Variants in ARHGAP32 observed in about 807,000 individuals in gnomAD.
ARHGAP32 encodes the protein Rho GTPase activating protein 32.
A neutral mutation model predicts 186.5 loss-of-function variants in ARHGAP32; 51 were observed. The observed-to-expected ratio is 0.27, with a 90% CI of 0.22 to 0.35. The LOEUF (loss-of-function observed/expected upper bound fraction) is 0.35. Among genes scored for constraint, ARHGAP32 ranks in the 10% least tolerant of loss-of-function variants. The pLI is 1.00. For missense variants in ARHGAP32, 2,186 were observed against 2,623.5 expected, an observed-to-expected ratio of 0.83 and a Z score of 3.64; for synonymous variants, 950 against 964.3, an observed-to-expected ratio of 0.99 and a Z score of 0.27.
intron 11 of ARHGAP32, among the ~76,000 whole-genome samples, chr11:128,999,596 C>T (rs769412725): frequency 5.3e-5 from 8 of 152,296 alleles, no homozygotes; most frequent in Admixed American, 1.3e-4. Flanking sequence ...GGGAGCATCA[C>T]GGAACCTGCC....
intron 10 of ARHGAP32, among the ~76,000 whole-genome samples, chr11:129,043,786 C>T (rs1354621635): frequency 6.6e-6 from 1 of 152,136 alleles, no homozygotes; most frequent in Non-Finnish European, 1.5e-5. Flanking sequence ...ATCAGTTGCT[C>T]TTTGGCTGTT....
intron 11 of ARHGAP32, among the ~76,000 whole-genome samples, chr11:129,010,771 T>A (rs1191163940): frequency 6.6e-6 from 1 of 152,214 alleles, no homozygotes; most frequent in Non-Finnish European, 1.5e-5. Context: ...CCATTCTAGC[T>A]TTTGTCTGAT....
intron 17 of ARHGAP32, among the ~76,000 whole-genome samples, chr11:128,981,156 T>C (rs1945695563): frequency 6.6e-6 from 1 of 152,242 alleles, no homozygotes; most frequent in Non-Finnish European, 1.5e-5. Context: ...TGTTCCACTT[T>C]ATACTTTAAT....
At chr11:129,213,148 T>C (rs534023728) in intron 1 of ARHGAP32, among the ~76,000 whole-genome samples, 1 of 152,318 alleles carries the variant, frequency 6.6e-6, no homozygotes, top group East Asian at 1.9e-4. Context: ...TACTTTTGTA[T>C]TCACTTCGTA....
intron 5 of ARHGAP32, among the ~76,000 whole-genome samples, chr11:129,116,970 T>A (rs1942384598): frequency 6.6e-6 from 1 of 152,060 alleles, no homozygotes; most frequent in African/African-American, 2.4e-5. Flanking sequence ...GTTTCTATTT[T>A]ACAAATGAGG....
intron 10 of ARHGAP32, 106 bp from the exon 11 acceptor site, chr11:129,041,115 A>G: frequency 1.6e-6 from 1 of 643,990 alleles, no homozygotes. Context: ...CTCCCAAATG[A>G]TTCTATTATT....
chr11:128,991,562 A>C lies in ARHGAP32; in HGVS notation c.1196-3437T>G, dbSNP rs932122292. 2.0e-5 allele frequency among the ~76,000 whole-genome samples: 3 copies of C among 152,144 alleles called. No individual in the cohort carries two copies. The East Asian group carries it at 5.8e-4, about 29-fold the overall frequency. On this transcript the variant is annotated intron_variant, in intron 12 of 22. Transcript: ENST00000682385. ...AAAATCCTAGTTTTAAAAAAAGGCT[A>C]TTTACTAGCTACCCCCAAACCATCT... is the stretch of plus-strand genomic sequence containing the variant.
intron 5 of ARHGAP32, among the ~76,000 whole-genome samples, chr11:129,099,757 G>T (rs1214670430): frequency 6.6e-6 from 1 of 152,108 alleles, no homozygotes; most frequent in Admixed American, 6.5e-5. Context: ...TAAGCAGTGG[G>T]GGAGAACAAG....
intron 1 of ARHGAP32, among the ~76,000 whole-genome samples, chr11:129,266,606 A>G (rs1945403923): frequency 6.6e-6 from 1 of 152,194 alleles, no homozygotes; most frequent in Admixed American, 6.5e-5. Flanking sequence ...GAGGCACCAT[A>G]AGAGAGATTG....
chr11:129,176,739 G>A (rs1276229209), intron 1 of ARHGAP32, among the ~76,000 whole-genome samples: 20 of 149,632 alleles, frequency 1.3e-4, no homozygotes, highest in East Asian at 3.9e-4. Context: ...TGAAACCAAC[G>A]AGAACAAAGA....
intron 1 of ARHGAP32, among the ~76,000 whole-genome samples, chr11:129,167,864 C>G (rs1221934040): frequency 6.6e-6 from 1 of 152,120 alleles, no homozygotes; most frequent in Non-Finnish European, 1.5e-5. Context: ...AAAAGTGAAT[C>G]ACATGGCATG....
intron 11 of ARHGAP32, among the ~76,000 whole-genome samples, chr11:129,039,511 C>G (rs1210049780): frequency 1.3e-5 from 2 of 152,000 alleles, no homozygotes; most frequent in African/African-American, 4.8e-5. Flanking sequence ...TACAAAATGT[C>G]CAGAATAGGG....
At position 129,124,899 on chromosome 11, in the gene ARHGAP32, A is replaced by C. The variant is rs1456181866; in HGVS notation, c.226-5T>G. On this transcript the variant is annotated splice_polypyrimidine_tract_variant and splice_region_variant and intron_variant, in intron 2 of 22. Transcript: ENST00000682385. ...TGGAACATCTGCGCCTCTTGCCTTA[A>C]AAAATAAAGACAAAATATTTATGGC... 5 of 1,599,096 alleles carry C rather than the reference A, an allele frequency of 3.1e-6. No homozygotes were observed. Among genetic ancestry groups the C allele is most frequent in the Admixed American group, 1.7e-5 (1 of 57,256 alleles).
chr11:129,245,842 G>A (rs941106446), intron 1 of ARHGAP32, among the ~76,000 whole-genome samples: 3 of 152,026 alleles, frequency 2.0e-5, no homozygotes, highest in African/African-American at 7.2e-5. Flanking sequence ...TACGACCAGT[G>A]TTTAGGGGTG....
chr11:129,212,551 T>TAA (rs1182948500), intron 1 of ARHGAP32, among the ~76,000 whole-genome samples: 1 of 152,218 alleles, frequency 6.6e-6, no homozygotes. Flanking sequence ...CTATACTGCT[T>TAA]AATTTACCTC....
intron 6 of ARHGAP32, among the ~76,000 whole-genome samples, chr11:129,091,107 C>G (rs1941566465): frequency 6.6e-6 from 1 of 151,978 alleles, no homozygotes; most frequent in South Asian, 2.1e-4. Flanking sequence ...GTGGGCTCAC[C>G]ACAGCATCAC....
At chr11:129,267,049 G>C (rs1945411080) in intron 1 of ARHGAP32, among the ~76,000 whole-genome samples, 1 of 152,214 alleles carries the variant, frequency 6.6e-6, no homozygotes, top group African/African-American at 2.4e-5. Context: ...GCCTGGGGAA[G>C]AGAAGAAGAC....
chr11:129,181,425 T>G (rs1944051730), intron 1 of ARHGAP32, among the ~76,000 whole-genome samples: 1 of 152,166 alleles, frequency 6.6e-6, no homozygotes, highest in Non-Finnish European at 1.5e-5. Flanking sequence ...CCACGGCTGA[T>G]GATATAAATC....
chr11:129,105,253 T>C (rs59827690), intron 5 of ARHGAP32, among the ~76,000 whole-genome samples: 26,034 of 152,062 alleles, frequency 0.17, 2,753 homozygotes, highest in African/African-American at 0.3. Flanking sequence ...CATTCAAAAG[T>C]GCCTGGGTAT....
Sources: gnomAD v4.1 joint callset for allele counts (sites outside exome capture counted in the v4.1 genomes callset) on GRCh38, gnomAD v4.1.1 for gene constraint, MANE v1.5 for transcripts, NCBI Gene and HGNC (gene_info 2026-07-23, HGNC 2026-07-21) for gene names.